RAPGEF6: variants seen among roughly 807,000 people sequenced by gnomAD.
The protein encoded by RAPGEF6 is Rap guanine nucleotide exchange factor 6.
A neutral mutation model predicts 171.4 loss-of-function variants in RAPGEF6; 56 were observed. The observed-to-expected ratio is 0.33, with a 90% CI of 0.26 to 0.41. The LOEUF is 0.41. Ranked by LOEUF, RAPGEF6 falls within the 10% of genes least tolerant of loss-of-function variation. RAPGEF6 has a pLI of 1.00. For missense variants in RAPGEF6, 1,674 were observed against 1,921.4 expected (o/e 0.87, Z 2.41); for synonymous variants, 692 against 650.1 (o/e 1.06, Z -0.98).
intron 7 of RAPGEF6, among the ~76,000 whole-genome samples, chr5:131,514,575 A>G (rs925810232): frequency 1.3e-5 from 2 of 152,190 alleles, no homozygotes; most frequent in African/African-American, 4.8e-5. Context: ...AGAACTTTCA[A>G]CATTTACTAC....
chr5:131,609,435 C>A (rs1417710844), intron 1 of RAPGEF6, among the ~76,000 whole-genome samples: 1 of 152,144 alleles, frequency 6.6e-6, no homozygotes, highest in Admixed American at 6.5e-5. Flanking sequence ...ATAAAGTTTT[C>A]TGTATTCCAC....
At chr5:131,579,937 A>T (rs1253390913) in intron 4 of RAPGEF6, among the ~76,000 whole-genome samples, 3 of 152,244 alleles carry the variant, frequency 2.0e-5, no homozygotes, top group Non-Finnish European at 2.9e-5. Flanking sequence ...AAAGTTCTCC[A>T]AGACCCCACC....
intron 3 of RAPGEF6, among the ~76,000 whole-genome samples, chr5:131,600,462 T>C (rs1322833648): frequency 6.0e-5 from 9 of 149,144 alleles, no homozygotes; most frequent in Non-Finnish European, 1.2e-4. Flanking sequence ...GCGGAGGTTG[T>C]AGTAAGCCGA....
At chr5:131,479,152 G>C (rs1755299059) in intron 16 of RAPGEF6, among the ~76,000 whole-genome samples, 1 of 151,558 alleles carries the variant, frequency 6.6e-6, no homozygotes, top group Non-Finnish European at 1.5e-5. Context: ...AAATGGTGCT[G>C]CAAAGGAAAA....
chr5:131,550,035 T>A (rs1255069321), intron 5 of RAPGEF6, among the ~76,000 whole-genome samples: 3 of 152,160 alleles, frequency 2.0e-5, no homozygotes, highest in Non-Finnish European at 2.9e-5. Flanking sequence ...ATCAACATTC[T>A]CAGCACCCCT....
intron 4 of RAPGEF6, among the ~76,000 whole-genome samples, chr5:131,578,757 C>T (rs564008475): frequency 1.1e-4 from 16 of 152,310 alleles, no homozygotes; most frequent in African/African-American, 2.6e-4. Flanking sequence ...ATTCCAACTT[C>T]GCATTACTGA....
chr5:131,451,641 A>C (rs546799162), intron 21 of RAPGEF6, among the ~76,000 whole-genome samples: 104 of 152,152 alleles, frequency 6.8e-4, no homozygotes, highest in African/African-American at 2.0e-3. Context: ...ATAAAAAAAA[A>C]CCCAGTGTAT....
At chr5:131,453,281 T>G in intron 20 of RAPGEF6, 104 bp from the exon 21 acceptor site, 1 of 1,449,340 alleles carries the variant, frequency 6.9e-7, no homozygotes. Flanking sequence ...GGACCTTCTT[T>G]ATCACAGTGC....
At chr5:131,521,547 T>C (rs1193059840) in intron 6 of RAPGEF6, 26 bp from the exon 7 acceptor site, 1 of 1,587,036 alleles carries the variant, frequency 6.3e-7, no homozygotes, top group African/African-American at 1.4e-5. Context: ...ATTTAAGTTA[T>C]TCTAAATGTC....
intron 6 of RAPGEF6, among the ~76,000 whole-genome samples, chr5:131,525,476 C>T (rs1172493929): frequency 6.6e-6 from 1 of 152,010 alleles, no homozygotes; most frequent in Non-Finnish European, 1.5e-5. Context: ...AATTAAGATG[C>T]TATATATGAA....
At chr5:131,528,319 A>ATT (rs1440077677) in intron 6 of RAPGEF6, among the ~76,000 whole-genome samples, 1 of 49,768 alleles carries the variant, frequency 2.0e-5, no homozygotes, top group Non-Finnish European at 4.8e-5. Context: ...TATATTATAT[A>ATT]TATATATATA....
At chr5:131,562,560 T>C (rs933326357) in intron 4 of RAPGEF6, among the ~76,000 whole-genome samples, 1 of 152,210 alleles carries the variant, frequency 6.6e-6, no homozygotes, top group African/African-American at 2.4e-5. Context: ...TCCCCAAGGA[T>C]ACAAAAATCT....
intron 7 of RAPGEF6, among the ~76,000 whole-genome samples, chr5:131,510,879 C>G (rs932790806): frequency 6.6e-6 from 1 of 152,168 alleles, no homozygotes; most frequent in African/African-American, 2.4e-5. Flanking sequence ...ACCTATTAGT[C>G]TATGCTGGGT....
intron 4 of RAPGEF6, among the ~76,000 whole-genome samples, chr5:131,579,998 C>A (rs1039413532): frequency 6.6e-6 from 1 of 152,234 alleles, no homozygotes; most frequent in African/African-American, 2.4e-5. Flanking sequence ...ACCAGGGCTG[C>A]GGGCAGAGCT....
chr5:131,448,838 C>A (rs1752883009), intron 21 of RAPGEF6, among the ~76,000 whole-genome samples: 1 of 152,094 alleles, frequency 6.6e-6, no homozygotes, highest in South Asian at 2.1e-4. Context: ...TCCAAGTATT[C>A]TTCTTTATAA....
chr5:131,600,073 CT>C (rs1764138007), intron 3 of RAPGEF6, among the ~76,000 whole-genome samples: 1 of 152,158 alleles, frequency 6.6e-6, no homozygotes, highest in Non-Finnish European at 1.5e-5. Context: ...AACAACTTCT[CT>C]GTATGAAGAT....
rs921244946 is a variant in RAPGEF6 at position 131,455,921 on chromosome 5, T to C, written c.2956A>G (p.Ile986Val). 1.4e-5 allele frequency: 22 copies of C among 1,614,070 alleles called. No homozygotes were observed. Among genetic ancestry groups the C allele is most frequent in the Non-Finnish European group, 1.9e-5 (22 of 1,179,944 alleles). ...YEKHLQDLQD[I>V]FDPSRNMAKY... is the part of the protein sequence containing the mutation. ...GCCATGTTTCTAGATGGATCAAAAA[T>C]GTCTTGTAGATCTTGAAGATGTTTC... The change falls in exon 20 of 28, where the codon ATT becomes GTT. Residue 986 changes from isoleucine to valine, a missense_variant. Transcript: ENST00000509018.
At chr5:131,508,913 T>C (rs76839804) in intron 8 of RAPGEF6, among the ~76,000 whole-genome samples, 112 of 152,356 alleles carry the variant, frequency 7.4e-4, no homozygotes, top group Admixed American at 1.4e-3. Context: ...AATTGCACTT[T>C]CAGTTTCTGT....
intron 12 of RAPGEF6, among the ~76,000 whole-genome samples, chr5:131,497,297 C>T (rs1052503690): frequency 1.3e-5 from 2 of 152,142 alleles, no homozygotes; most frequent in African/African-American, 4.8e-5. Context: ...ATAATTTTCT[C>T]TTATTCTGTG....
Sources: gnomAD v4.1 joint callset for allele counts (sites outside exome capture counted in the v4.1 genomes callset) on GRCh38, gnomAD v4.1.1 for gene constraint, MANE v1.5 for transcripts, NCBI Gene and HGNC (gene_info 2026-07-23, HGNC 2026-07-21) for gene names.